The following ELF2 variants were observed in gnomAD, a reference collection of about 807,000 sequenced individuals.
The protein encoded by ELF2 is ETS-related transcription factor Elf-2.
Under a neutral mutation model 54.8 loss-of-function variants are expected in ELF2, and 11 were observed. That is an observed-to-expected ratio of 0.20 (90% CI 0.13 to 0.33). The LOEUF is 0.33. Among genes scored for constraint, ELF2 ranks in the 10% least tolerant of loss-of-function variants. The pLI, the probability that ELF2 is intolerant of heterozygous loss-of-function variation, is 1.00. For missense variants in ELF2, 513 were observed against 703.0 expected (o/e 0.73, Z 3.06); for synonymous variants, 203 against 245.1 (o/e 0.83, Z 1.61).
At chr4:139,128,131 C>T (rs72949672) in intron 3 of ELF2, among the ~76,000 whole-genome samples, 4,083 of 151,832 alleles carry the variant, frequency 0.027, 95 homozygotes, top group African/African-American at 0.064. Context: ...AAATATCAGC[C>T]GGGCGTTGTG....
At chr4:139,142,859 C>T (rs985730804) in intron 1 of ELF2, among the ~76,000 whole-genome samples, 6 of 144,676 alleles carry the variant, frequency 4.1e-5, no homozygotes, top group African/African-American at 1.5e-4. Flanking sequence ...AGAGTGAGAC[C>T]TTGTCTCAAA....
At chr4:139,089,964 C>T (rs944447572) in intron 4 of ELF2, among the ~76,000 whole-genome samples, 5 of 152,192 alleles carry the variant, frequency 3.3e-5, no homozygotes, top group Non-Finnish European at 1.5e-5. Flanking sequence ...GGGTCTCACT[C>T]TGTCACTGAG....
At chr4:139,129,071 T>C (rs1198663643) in intron 3 of ELF2, among the ~76,000 whole-genome samples, 1 of 152,128 alleles carries the variant, frequency 6.6e-6, no homozygotes, top group Non-Finnish European at 1.5e-5. Context: ...CCTGAGTAGC[T>C]GGGATTACAG....
rs763508615 is a variant in ELF2, at chr4:139,078,573, TC to T, written c.239-5007del. Among the ~76,000 whole-genome samples the T allele has an allele frequency of 2.9e-3, 412 of 142,066 alleles. 4 individuals are homozygous for T. Among genetic ancestry groups the T allele is most frequent in the African/African-American group, 0.01 (392 of 37,606 alleles). The allele number at this position is 142,066 out of a possible 152,430, so 93.2% of individuals were successfully genotyped here. On this transcript the variant is annotated intron_variant, in intron 4 of 9. Coordinates refer to ENST00000686138, the MANE Select transcript of ELF2 (RefSeq NM_001331036.3). ...TATAAAAAGGAAAAAGAATGGCAAT[TC>T]TTTTTTTTTTTTTTTTACACTCTCG... is the stretch of plus-strand genomic sequence containing the variant.
intron 4 of ELF2, among the ~76,000 whole-genome samples, chr4:139,114,591 A>ACACACACACACACC (rs1735371835): frequency 6.8e-6 from 1 of 146,852 alleles, no homozygotes; most frequent in Non-Finnish European, 1.5e-5. Flanking sequence ...ACACACACAC[A>ACACACACACACACC]CACACAATTT....
intron 4 of ELF2, among the ~76,000 whole-genome samples, chr4:139,082,298 T>A (rs1470332930): frequency 6.6e-6 from 1 of 152,200 alleles, no homozygotes; most frequent in Non-Finnish European, 1.5e-5. Context: ...CACGTATCGT[T>A]AGTACCAATA....
chr4:139,144,733 G>A (rs776206351), intron 1 of ELF2, among the ~76,000 whole-genome samples: 15 of 152,186 alleles, frequency 9.9e-5, no homozygotes, highest in Non-Finnish European at 2.1e-4. Flanking sequence ...CCCACTCCCT[G>A]CATGAACTCT....
rs544412611 is a variant in ELF2 at position 139,096,036 on chromosome 4, G to A, written c.239-22469C>T. 6.6e-5 allele frequency among the ~76,000 whole-genome samples: 10 copies of A among 152,140 alleles called. No homozygotes were observed. In the East Asian group the frequency reaches 9.7e-4, roughly 15 times the overall value. ...TGAGGCAGGAGAATCGCTTAAACCCGGGAGGTGGAGGTTGCAGTGAGCCGA... is the reference window on the plus strand; with the variant it reads ...TGAGGCAGGAGAATCGCTTAAACCCAGGAGGTGGAGGTTGCAGTGAGCCGA... On this transcript the variant is annotated intron_variant, in intron 4 of 9. Transcript: ENST00000686138.
At chr4:139,108,702 A>T (rs531603069) in intron 4 of ELF2, among the ~76,000 whole-genome samples, 1 of 152,166 alleles carries the variant, frequency 6.6e-6, no homozygotes, top group Non-Finnish European at 1.5e-5. Flanking sequence ...TGGTTAATGG[A>T]TAAGAAGGCA....
At position 139,068,892 on chromosome 4, in the gene ELF2, T is replaced by C. The variant is rs535580302; in HGVS notation, c.527-1122A>G. On this transcript the variant is annotated intron_variant, in intron 6 of 9. Coordinates refer to ENST00000686138, the MANE Select transcript of ELF2 (RefSeq NM_001331036.3). Reference sequence around the variant, plus strand: ...CATAAATACATACACTTTTTTTTTTTTTAAGAGATGGAGTCTCACTCTGTC... The same window carrying C: ...CATAAATACATACACTTTTTTTTTTCTTAAGAGATGGAGTCTCACTCTGTC... 6.6e-5 allele frequency among the ~76,000 whole-genome samples: 10 copies of C among 152,248 alleles called. No homozygotes were observed. In the East Asian group the frequency reaches 1.5e-3, roughly 23 times the overall value.
In ELF2 at chr4:139,112,210, GT is replaced by G. The variant is rs1243347191; in HGVS notation, c.238+12953del. On this transcript the variant is annotated intron_variant, in intron 4 of 9. Coordinates refer to ENST00000686138, the MANE Select transcript of ELF2 (RefSeq NM_001331036.3). ...CTCTTTCAGCAACTCAGATAGCCTT[GT>G]TTTTCTTCCTCCAGACTTTCAACCT... 2.0e-5 allele frequency among the ~76,000 whole-genome samples: 3 copies of G among 152,154 alleles called. No homozygotes were observed. The East Asian group carries it at 5.8e-4, about 29-fold the overall frequency.
chr4:139,137,394 C>T, intron 3 of ELF2: 1 of 563,302 alleles, frequency 1.8e-6, no homozygotes, highest in South Asian at 2.3e-5. Flanking sequence ...CTTTCCATTC[C>T]TTTCCTCCCT....
At chr4:139,175,231 G>C (rs1199345601) in intron 1 of ELF2, among the ~76,000 whole-genome samples, 2 of 152,052 alleles carry the variant, frequency 1.3e-5, no homozygotes. Context: ...TGTTTACTTA[G>C]GACAGAAAAA....
intron 4 of ELF2, among the ~76,000 whole-genome samples, chr4:139,087,851 T>C (rs1360627548): frequency 3.3e-5 from 5 of 152,198 alleles, no homozygotes; most frequent in African/African-American, 4.8e-5. Flanking sequence ...TTAAACGACA[T>C]TTATGACAAC....
At chr4:139,176,381 G>T (rs1466327559) in intron 1 of ELF2, among the ~76,000 whole-genome samples, 2 of 126,546 alleles carry the variant, frequency 1.6e-5, no homozygotes, top group South Asian at 5.4e-4. Flanking sequence ...GACAGGGAAG[G>T]AAACTGGTGT....
At chr4:139,157,603 T>C (rs918490085) in intron 1 of ELF2, among the ~76,000 whole-genome samples, 9 of 152,006 alleles carry the variant, frequency 5.9e-5, no homozygotes, top group Non-Finnish European at 1.2e-4. Flanking sequence ...TAGGGTCTCA[T>C]TTGTTGCCCA....
At position 139,060,512 on chromosome 4, in the gene ELF2, C is replaced by T; in HGVS notation, c.969G>A (p.Val323=). Residue 323 remains valine, a synonymous_variant, in exon 9 of 10, where the codon GTG becomes GTA. Transcript: ENST00000686138. ...GTTDEKSLER[V]SLSAESLLKA... is the part of the protein sequence containing the mutation. ...TCAGGAGACTTTCTGCAGACAGTGA[C>T]ACTCGTTCTAATGATTTTTCATCAG... The T allele has an allele frequency of 2.5e-6, 4 of 1,614,236 alleles. No homozygotes were observed. The highest frequency in any genetic ancestry group is 1.6e-4 in the Middle Eastern group (1 of 6,062).
intron 4 of ELF2, among the ~76,000 whole-genome samples, chr4:139,090,623 C>G (rs1238266766): frequency 6.6e-6 from 1 of 152,200 alleles, no homozygotes; most frequent in East Asian, 1.9e-4. Context: ...GAGACAGGGT[C>G]TGGCTCTGTC....
chr4:139,066,154 T>C (rs978511897), intron 7 of ELF2: 2 of 151,774 alleles, frequency 1.3e-5, no homozygotes, highest in South Asian at 4.1e-4. Context: ...AAGGACAGAA[T>C]AAATTTAAAT....
Sources: gnomAD v4.1 joint callset for allele counts (sites outside exome capture counted in the v4.1 genomes callset) on GRCh38, gnomAD v4.1.1 for gene constraint, MANE v1.5 for transcripts, NCBI Gene and HGNC (gene_info 2026-07-23, HGNC 2026-07-21) for gene names.